UBE2V2: variants seen among roughly 807,000 people sequenced by gnomAD.
UBE2V2 encodes the protein ubiquitin conjugating enzyme E2 V2.
In UBE2V2, 9 loss-of-function variants were observed where a neutral mutation model predicts 17.2. The observed-to-expected ratio is 0.52, with a 90% CI of 0.32 to 0.91. UBE2V2 has a LOEUF of 0.91. UBE2V2 is among the 40% of genes least tolerant of loss of function. The probability of loss-of-function intolerance (pLI) is 0.04; values close to 1 mark genes in which losing one functional copy is unlikely to be tolerated. For synonymous variants in UBE2V2, 61 were observed against 57.5 expected (o/e 1.06, Z -0.28); for missense variants, 133 against 182.6 (o/e 0.73, Z 1.56).
intron 3 of UBE2V2, among the ~76,000 whole-genome samples, chr8:48,056,709 G>A (rs1208683798): frequency 6.6e-6 from 1 of 151,462 alleles, no homozygotes; most frequent in Non-Finnish European, 1.5e-5. Flanking sequence ...CTGGACTACC[G>A]TAGCTTTGTA....
chr8:48,017,444 G>C (rs2091277182), intron 1 of UBE2V2, among the ~76,000 whole-genome samples: 1 of 151,040 alleles, frequency 6.6e-6, no homozygotes, highest in African/African-American at 2.4e-5. Context: ...CACGATCTCA[G>C]CTCACTGCAA....
At position 48,061,655 on chromosome 8, in the gene UBE2V2, G is replaced by A. The variant is rs1195003147; in HGVS notation, c.*827G>A. ...AATTGGAATTATTGTAGCTTTTCAT[G>A]TATACACACTTTTATTTACCCTATT... On this transcript the variant is annotated 3_prime_UTR_variant, in exon 4 of 4. Transcript: ENST00000523111. 1 of 152,538 alleles carries A rather than the reference G, an allele frequency of 6.6e-6. No homozygotes were observed. Among genetic ancestry groups the A allele is most frequent in the Non-Finnish European group, 1.5e-5 (1 of 68,018 alleles). 9.4% of individuals were successfully genotyped at this position (152,538 alleles called of 1,614,324 possible).
At chr8:48,020,282 C>G (rs1589852025) in intron 1 of UBE2V2, among the ~76,000 whole-genome samples, 1 of 152,196 alleles carries the variant, frequency 6.6e-6, no homozygotes, top group African/African-American at 2.4e-5. Flanking sequence ...AACAATTTTC[C>G]CTCCTTGGCC....
chr8:48,035,421 A>T (rs1198256864), intron 1 of UBE2V2, among the ~76,000 whole-genome samples: 2 of 151,716 alleles, frequency 1.3e-5, no homozygotes, highest in African/African-American at 4.8e-5. Flanking sequence ...GCGCCCTGCC[A>T]CTGCTCCCCT....
At chr8:48,004,270 G>T (rs1217254278), upstream of UBE2V2, among the ~76,000 whole-genome samples, 1 of 152,180 alleles carries the variant, frequency 6.6e-6, no homozygotes, top group African/African-American at 2.4e-5. Context: ...GGATAGGTCA[G>T]CTAGAGGCTG....
chr8:48,015,050 CAAAAAA>C (rs1173137634), intron 1 of UBE2V2, among the ~76,000 whole-genome samples: 2 of 63,750 alleles, frequency 3.1e-5, no homozygotes, highest in Non-Finnish European at 6.3e-5. Context: ...ACTCCATCTC[CAAAAAA>C]AAAAAAAAAA....
intron 1 of UBE2V2, among the ~76,000 whole-genome samples, chr8:48,041,189 T>TA (rs993217239): frequency 6.0e-5 from 9 of 149,320 alleles, no homozygotes; most frequent in African/African-American, 2.2e-4. Context: ...TTTTTTTTTT[T>TA]AAGACAGAGT....
chr8:48,003,990 G>T (rs1316019596), upstream of UBE2V2, among the ~76,000 whole-genome samples: 1 of 152,150 alleles, frequency 6.6e-6, no homozygotes, highest in Non-Finnish European at 1.5e-5. Flanking sequence ...AAATCAGGCC[G>T]TGGTGTTTGG....
chr8:48,024,604 A>T (rs539209667), intron 1 of UBE2V2, among the ~76,000 whole-genome samples: 2 of 152,218 alleles, frequency 1.3e-5, no homozygotes, highest in African/African-American at 4.8e-5. Context: ...TCAAAAAAAA[A>T]AAAAAGAGAT....
In UBE2V2 at chr8:48,062,372, A is replaced by AC. The variant is rs1802607861; in HGVS notation, c.*1545dup. 6.6e-6 allele frequency: 1 copy of AC among 152,150 alleles called. No homozygotes were observed. Among genetic ancestry groups the AC allele is most frequent in the Non-Finnish European group, 1.5e-5 (1 of 68,052 alleles). 9.4% of individuals were successfully genotyped at this position (152,150 alleles called of 1,614,324 possible). ...TTTGGGAGGCTGAGACGGGCAGATC[A>AC]CTTGAGGTCAGGAGCTTGAGACCAG... On this transcript the variant is annotated 3_prime_UTR_variant, in exon 4 of 4. Coordinates refer to ENST00000523111, the MANE Select transcript of UBE2V2 (RefSeq NM_003350.3).
intron 1 of UBE2V2, among the ~76,000 whole-genome samples, chr8:48,012,796 G>A (rs1325856834): frequency 1.3e-5 from 2 of 152,148 alleles, no homozygotes; most frequent in Non-Finnish European, 2.9e-5. Flanking sequence ...AAGTTGTGAA[G>A]ATAGTACAGA....
At chr8:48,042,712 G>C (rs528772368) in intron 1 of UBE2V2, 2 of 173,222 alleles carry the variant, frequency 1.2e-5, no homozygotes, top group African/African-American at 4.8e-5. Context: ...GATTGGTGCA[G>C]AGTCCTTGGC....
At chr8:48,013,474 A>AT (rs1287936747) in intron 1 of UBE2V2, among the ~76,000 whole-genome samples, 48 of 151,522 alleles carry the variant, frequency 3.2e-4, no homozygotes, top group Non-Finnish European at 4.7e-4. Context: ...TGCCCGGTTA[A>AT]TTTTTTTTGT....
chr8:48,046,090 G>A (rs901249992), intron 2 of UBE2V2, among the ~76,000 whole-genome samples: 1 of 152,130 alleles, frequency 6.6e-6, no homozygotes, highest in Non-Finnish European at 1.5e-5. Flanking sequence ...GGGATTACAG[G>A]CATGTGCCAC....
chr8:48,036,502 T>G (rs1266901894), intron 1 of UBE2V2, among the ~76,000 whole-genome samples: 1 of 151,962 alleles, frequency 6.6e-6, no homozygotes, highest in Non-Finnish European at 1.5e-5. Flanking sequence ...GGTGCGATCT[T>G]GGCTCACTGC....
At chr8:48,006,496 C>T (rs528111731), upstream of UBE2V2, among the ~76,000 whole-genome samples, 3 of 152,082 alleles carry the variant, frequency 2.0e-5, no homozygotes, top group African/African-American at 4.8e-5. Context: ...GCCTTGGCTA[C>T]GTGGGCTCAA....
At chr8:48,044,291 G>A (rs971244539) in intron 2 of UBE2V2, among the ~76,000 whole-genome samples, 1 of 152,026 alleles carries the variant, frequency 6.6e-6, no homozygotes, top group Non-Finnish European at 1.5e-5. Context: ...CTCCTGAGGT[G>A]GTGTGCACCA....
At chr8:48,008,643 C>A in intron 1 of UBE2V2, 173 bp downstream of exon 1, 1 of 922,662 alleles carries the variant, frequency 1.1e-6, no homozygotes, top group Non-Finnish European at 1.4e-6. Flanking sequence ...GCCGAGGCCC[C>A]GGCGGCCGTC....
At chr8:48,057,361 G>A (rs913569745) in intron 3 of UBE2V2, among the ~76,000 whole-genome samples, 1 of 151,952 alleles carries the variant, frequency 6.6e-6, no homozygotes, top group African/African-American at 2.4e-5. Context: ...GAGTGCAGTG[G>A]CGTGATCTCA....
Sources: gnomAD v4.1 joint callset for allele counts (sites outside exome capture counted in the v4.1 genomes callset) on GRCh38, gnomAD v4.1.1 for gene constraint, MANE v1.5 for transcripts, NCBI Gene and HGNC (gene_info 2026-07-23, HGNC 2026-07-21) for gene names.